The following MYH10 variants were observed in gnomAD, a reference collection of about 807,000 sequenced individuals.
The protein encoded by MYH10 is myosin heavy chain 10.
In MYH10, 55 loss-of-function variants were observed where a neutral mutation model predicts 257.8. The observed-to-expected ratio is 0.21, with a 90% CI of 0.17 to 0.27. The LOEUF (loss-of-function observed/expected upper bound fraction) is 0.27, where lower values mean the gene tolerates loss of function less well. MYH10 is among the 10% of genes least tolerant of loss of function. MYH10 has a pLI of 1.00. For synonymous variants in MYH10, 854 were observed against 921.7 expected (o/e 0.93, Z 1.33); for missense variants, 1,631 against 2,500.6 (o/e 0.65, Z 7.42).
intron 3 of MYH10, among the ~76,000 whole-genome samples, chr17:8,600,841 A>C (rs1383121684): frequency 6.6e-6 from 1 of 152,176 alleles, no homozygotes; most frequent in Non-Finnish European, 1.5e-5. Context: ...AGCACTCTTC[A>C]CTAAATGGAC....
In MYH10 at chr17:8,490,552, C is replaced by T. The variant is rs1344887929; in HGVS notation, c.4672G>A (p.Val1558Ile). The T allele has an allele frequency of 6.2e-7, 1 of 1,613,882 alleles. No individual in the cohort carries two copies. Residue 1558 changes from valine to isoleucine, a missense_variant and splice_region_variant, in exon 35 of 43, where the codon GTT (valine) becomes ATT (isoleucine). By Grantham distance (29) the Val-to-Ile change is conservative (BLOSUM62 3). Coordinates refer to ENST00000360416, the MANE Select transcript of MYH10 (RefSeq NM_001256012.3). This position sits in a 1 kb window ranked among gnomAD's most constrained non-coding sequence, Gnocchi z 4.1. ...MSSKDDVGKN[V>I]HELEKSKRAL... ...CGTTTGGATTTTTCAAGTTCGTGAA[C>T]CTAAACCACCGAAGCATCAGGAAAG...
chr17:8,563,421 T>C (rs1597837654), intron 7 of MYH10, among the ~76,000 whole-genome samples: 1 of 152,030 alleles, frequency 6.6e-6, no homozygotes. Flanking sequence ...GATAAATACA[T>C]AAATAAAAAC....
At chr17:8,620,570 A>C (rs1212944516) in intron 2 of MYH10, among the ~76,000 whole-genome samples, 1 of 152,166 alleles carries the variant, frequency 6.6e-6, no homozygotes, top group Non-Finnish European at 1.5e-5. Flanking sequence ...AATTTATGTT[A>C]TATCTTATCT....
chr17:8,538,499 T>C (rs2082206448), intron 14 of MYH10, among the ~76,000 whole-genome samples: 1 of 152,258 alleles, frequency 6.6e-6, no homozygotes, highest in Admixed American at 6.5e-5. Context: ...CGTGAGCCAC[T>C]GTGCCTGGCC....
At chr17:8,627,874 C>G (rs2085742515) in intron 1 of MYH10, among the ~76,000 whole-genome samples, 1 of 152,188 alleles carries the variant, frequency 6.6e-6, no homozygotes, top group South Asian at 2.1e-4. Flanking sequence ...CTCCATTTTA[C>G]AGATGAGGAA....
intron 17 of MYH10, among the ~76,000 whole-genome samples, chr17:8,522,564 C>T (rs936495961): frequency 6.6e-5 from 10 of 152,216 alleles, no homozygotes; most frequent in Admixed American, 2.0e-4. Flanking sequence ...CTTTCCTGTG[C>T]CTTCAACCTC....
At chr17:8,525,418 C>G (rs138741926) in intron 17 of MYH10, among the ~76,000 whole-genome samples, 1 of 152,250 alleles carries the variant, frequency 6.6e-6, no homozygotes, top group African/African-American at 2.4e-5. Context: ...CTCTGGCCCC[C>G]CAACCATCAG....
intron 36 of MYH10, among the ~76,000 whole-genome samples, chr17:8,486,487 G>A (rs1914789016): frequency 7.0e-6 from 1 of 142,362 alleles, no homozygotes; most frequent in Middle Eastern, 4.2e-3. Context: ...CTGGGTAGCA[G>A]ACTGAGACTC....
intron 2 of MYH10, among the ~76,000 whole-genome samples, chr17:8,620,469 C>G (rs1232612917): frequency 1.6e-5 from 2 of 128,492 alleles, no homozygotes; most frequent in Non-Finnish European, 3.1e-5. Flanking sequence ...AATTAATGAC[C>G]TGAGAAATTG....
At chr17:8,570,384 G>A (rs418006) in intron 6 of MYH10, among the ~76,000 whole-genome samples, 63,794 of 152,060 alleles carry the variant, frequency 0.42, 13,354 homozygotes, top group East Asian at 0.5. Flanking sequence ...TAAGTAGAGA[G>A]GATTCGGTAA....
intron 4 of MYH10, among the ~76,000 whole-genome samples, chr17:8,584,413 T>C (rs2083820773): frequency 6.6e-6 from 1 of 152,190 alleles, no homozygotes; most frequent in Non-Finnish European, 1.5e-5. Flanking sequence ...CAGGACACAC[T>C]TCAACTTGCC....
intron 3 of MYH10, among the ~76,000 whole-genome samples, chr17:8,592,474 A>G (rs1228806211): frequency 6.6e-6 from 1 of 152,124 alleles, no homozygotes; most frequent in Non-Finnish European, 1.5e-5. Context: ...TAGTATGATT[A>G]AGAACCCATG....
At chr17:8,536,189 A>G (rs2082133540) in intron 14 of MYH10, among the ~76,000 whole-genome samples, 2 of 152,134 alleles carry the variant, frequency 1.3e-5, no homozygotes, top group African/African-American at 2.4e-5. Flanking sequence ...ATTGCAAGTA[A>G]ATGAATTCCA....
chr17:8,484,597 A>G (rs1412517070), intron 36 of MYH10, among the ~76,000 whole-genome samples: 1 of 152,248 alleles, frequency 6.6e-6, no homozygotes, highest in Non-Finnish European at 1.5e-5. Context: ...GAATAGTAGC[A>G]AACTGAATCT....
In MYH10 at chr17:8,492,744, TGCCAGGAGGAAACGACACGTG is replaced by T; in HGVS notation, c.4458+11_4458+31del. On this transcript the variant is annotated intron_variant, in intron 33 of 42. Transcript: ENST00000360416. ...ACCAAACGAACAAAAGCAAGAGCTCTGCCAGGAGGAAACGACACGTGGCCGACCCACCTGGTCAAACTTCTT... is the reference window on the plus strand; with the variant it reads ...ACCAAACGAACAAAAGCAAGAGCTCTGCCGACCCACCTGGTCAAACTTCTT... The T allele has an allele frequency of 6.2e-7, 1 of 1,604,326 alleles. No homozygotes were observed.
chr17:8,552,899 C>G lies in MYH10; in HGVS notation c.821-755G>C, dbSNP rs1009434376. On this transcript the variant is annotated intron_variant, in intron 8 of 42. Transcript: ENST00000360416. This position sits in a 1 kb window ranked among gnomAD's most constrained non-coding sequence, Gnocchi z 4.8. ...GCAGCTCCTGCATTTCAGACCACTG[C>G]ACACCCAGCTGTGTATCTTATCTGG... Among the ~76,000 whole-genome samples the G allele has an allele frequency of 1.3e-5, 2 of 152,238 alleles. No individual in the cohort carries two copies. The highest frequency in any genetic ancestry group is 4.8e-5 in the African/African-American group (2 of 41,468).
At chr17:8,499,596 T>C in intron 29 of MYH10, 120 bp from the exon 30 acceptor site, 1 of 835,704 alleles carries the variant, frequency 1.2e-6, no homozygotes, top group Non-Finnish European at 1.9e-6. Context: ...TCAACATCTG[T>C]TGAATGAATG....
At chr17:8,503,317 A>AAATAAAATAG (rs2080967048) in intron 28 of MYH10, among the ~76,000 whole-genome samples, 1 of 151,746 alleles carries the variant, frequency 6.6e-6, no homozygotes, top group African/African-American at 2.4e-5. Context: ...AAATAAAATA[A>AAATAAAATAG]AAAAGTGGGG....
chr17:8,522,350 G>C (rs1183882983), intron 17 of MYH10, among the ~76,000 whole-genome samples: 1 of 152,168 alleles, frequency 6.6e-6, no homozygotes, highest in Non-Finnish European at 1.5e-5. Flanking sequence ...CAAGACCCCG[G>C]GAGGTAAAAG....
Sources: gnomAD v4.1 joint callset for allele counts (sites outside exome capture counted in the v4.1 genomes callset) on GRCh38, gnomAD v4.1.1 for gene constraint, Gnocchi (gnomAD v3.1) non-coding constraint, MANE v1.5 for transcripts, NCBI Gene and HGNC (gene_info 2026-07-23, HGNC 2026-07-21) for gene names.